Variants in AK9 observed in about 807,000 individuals in gnomAD.
The protein encoded by AK9 is adenylate kinase 9.
AK9 carries 191 observed loss-of-function variants against 239.6 expected under a neutral mutation model. The ratio of observed to expected loss-of-function variants is 0.80; its 90% CI spans 0.71 to 0.90. AK9 has a LOEUF of 0.90. AK9 is among the 40% of genes least tolerant of loss of function. AK9 has a pLI of 0.00. For missense variants in AK9, 1,995 were observed against 2,214.7 expected (o/e 0.90, Z 1.99); for synonymous variants, 689 against 721.0 (o/e 0.96, Z 0.71).
intron 20 of AK9, among the ~76,000 whole-genome samples, chr6:109,576,835 T>TA (rs1295120976): frequency 6.8e-6 from 1 of 146,592 alleles, no homozygotes; most frequent in Non-Finnish European, 1.5e-5. Context: ...ATAGATTTCT[T>TA]TTTTTTTTTT....
intron 3 of AK9, 34 bp downstream of exon 3, chr6:109,674,164 T>C (rs1478444138): frequency 1.3e-6 from 2 of 1,498,998 alleles, no homozygotes; most frequent in Non-Finnish European, 1.8e-6. Context: ...AAAGTTTTCA[T>C]AATAAAATAT....
intron 15 of AK9, among the ~76,000 whole-genome samples, chr6:109,613,769 T>G (rs547325152): frequency 1.3e-5 from 2 of 151,766 alleles, no homozygotes; most frequent in South Asian, 4.1e-4. Context: ...TGCTCTTATG[T>G]TCAAATATGA....
intron 39 of AK9, chr6:109,494,329 A>C (rs1325063936): frequency 4.6e-6 from 2 of 430,816 alleles, no homozygotes; most frequent in Non-Finnish European, 4.2e-6. Context: ...TAAGTGATGG[A>C]TAGGAGTATG....
chr6:109,673,724 A>AT (rs1771274546), intron 3 of AK9, among the ~76,000 whole-genome samples: 1 of 152,156 alleles, frequency 6.6e-6, no homozygotes, highest in Non-Finnish European at 1.5e-5. Flanking sequence ...ACAGTTCTAA[A>AT]TTACGAATAG....
Position 109,564,095 on chromosome 6 carries a change from C to A in AK9, c.2620G>T (p.Val874Phe). ...RTPQELLQKV[V>F]ETMEKPFQYT... ...AAGCCCTTACTTTCCATAGTCTCAA[C>A]TACTTTTTGAAGTAATTCCTGTGGA... The change falls in exon 23 of 41, where the codon GTT (valine) becomes TTT (phenylalanine). Residue 874 changes from valine (V) to phenylalanine (F), a missense_variant. Physicochemically the swap from Val to Phe is conservative, Grantham distance 50. Transcript: ENST00000424296. 6.4e-7 allele frequency: 1 copy of A among 1,550,946 alleles called. No individual in the cohort carries two copies. The highest frequency in any genetic ancestry group is 8.7e-7 in the Non-Finnish European group (1 of 1,146,698).
Position 109,493,227 on chromosome 6 carries a change from A to T in AK9, c.*142T>A. ...TCCTGGCTGGCAGACCTTTGAGTTC[A>T]CCTGAAGTCTGGCAGCCATGGTACC... is the stretch of plus-strand genomic sequence containing the variant. On this transcript the variant is annotated 3_prime_UTR_variant, in exon 41 of 41. Coordinates refer to ENST00000424296, the MANE Select transcript of AK9 (RefSeq NM_001145128.3). The T allele has an allele frequency of 1.3e-6, 1 of 777,368 alleles. No individual in the cohort carries two copies. Among genetic ancestry groups the T allele is most frequent in the East Asian group, 2.5e-5 (1 of 39,746 alleles). The allele number at this position is 777,368 out of a possible 1,614,324, so 48.2% of individuals were successfully genotyped here. A position where few individuals can be genotyped will look rare whatever the true frequency, so the allele number is the denominator to read the frequency against.
chr6:109,633,075 A>T lies in AK9; in HGVS notation c.1102T>A (p.Ser368Thr). The T allele has an allele frequency of 6.4e-7, 1 of 1,553,154 alleles. No individual in the cohort carries two copies. Reference sequence around the variant, plus strand: ...AAAAATGGTTTTAATGCTTCTTCTGATGAAAGACAGTAGATTTTACCTAGA... The same window carrying T: ...AAAAATGGTTTTAATGCTTCTTCTGTTGAAAGACAGTAGATTTTACCTAGA... The part of the protein sequence containing the change: ...SFLGKIYCLS[S>T]EEALKPFLLN... Residue 368 changes from serine to threonine, a missense_variant, in exon 12 of 41, where the codon TCA becomes ACA. Transcript: ENST00000424296.
At chr6:109,564,336 G>C in intron 22 of AK9, 56 bp from the exon 23 acceptor site, 1 of 1,374,888 alleles carries the variant, frequency 7.3e-7, no homozygotes, top group Non-Finnish European at 9.8e-7. Flanking sequence ...CCTATCTTTA[G>C]CCATATTGCC....
At chr6:109,675,247 G>T (rs896139012) in intron 2 of AK9, among the ~76,000 whole-genome samples, 1 of 152,204 alleles carries the variant, frequency 6.6e-6, no homozygotes, top group African/African-American at 2.4e-5. Context: ...CATGTGCAGT[G>T]TTTTGGTAAG....
chr6:109,590,160 A>T (rs890510476), intron 17 of AK9, among the ~76,000 whole-genome samples: 2 of 152,068 alleles, frequency 1.3e-5, no homozygotes, highest in African/African-American at 4.8e-5. Context: ...TTCCTTCAAC[A>T]TTTAGCAGAA....
chr6:109,611,842 G>C (rs1286167711), intron 16 of AK9, among the ~76,000 whole-genome samples, 168 bp downstream of exon 16: 1 of 152,144 alleles, frequency 6.6e-6, no homozygotes, highest in Non-Finnish European at 1.5e-5. Context: ...CAGTGTTCTT[G>C]CATGTCCAAC....
chr6:109,621,840 T>C lies in AK9; in HGVS notation c.1255-2604A>G, dbSNP rs1334096522. ...CGCACCAGCATGGCACATGTATACA[T>C]ATGTAACTAACCTGCACAATGTGCA... On this transcript the variant is annotated intron_variant, in intron 12 of 40. Coordinates refer to ENST00000424296, the MANE Select transcript of AK9 (RefSeq NM_001145128.3). Among the ~76,000 whole-genome samples, 260 of 123,752 alleles carry C rather than the reference T, an allele frequency of 2.1e-3. 2 individuals carry two copies. Among genetic ancestry groups the C allele is most frequent in the African/African-American group, 7.9e-3 (249 of 31,518 alleles). 81.2% of individuals were successfully genotyped at this position (123,752 alleles called of 152,430 possible).
intron 9 of AK9, among the ~76,000 whole-genome samples, chr6:109,643,993 T>C (rs1480822682): frequency 6.6e-6 from 1 of 152,210 alleles, no homozygotes; most frequent in East Asian, 1.9e-4. Flanking sequence ...ATACCATGCA[T>C]GTGTATCCCT....
chr6:109,616,107 T>A (rs1794163661), intron 13 of AK9, among the ~76,000 whole-genome samples: 1 of 151,970 alleles, frequency 6.6e-6, no homozygotes, highest in Non-Finnish European at 1.5e-5. Flanking sequence ...CTATTTGACA[T>A]TAATTGCTTA....
chr6:109,663,625 G>A (rs1447673149), intron 5 of AK9, among the ~76,000 whole-genome samples: 1 of 152,160 alleles, frequency 6.6e-6, no homozygotes, highest in Non-Finnish European at 1.5e-5. Context: ...ATACTGTATA[G>A]TAAAGTGTGT....
At position 109,675,336 on chromosome 6, in the gene AK9, C is replaced by T. The variant is rs528153316; in HGVS notation, c.117+293G>A. On this transcript the variant is annotated intron_variant, in intron 2 of 40. Coordinates refer to ENST00000424296, the MANE Select transcript of AK9 (RefSeq NM_001145128.3). ...AATTATAACATATAACATAGTATTG[C>T]GGTATATATGTACCACATCTTCTTT... 1.2e-3 allele frequency among the ~76,000 whole-genome samples: 183 copies of T among 152,100 alleles called. 1 individual carries two copies. The highest frequency in any genetic ancestry group is 2.5e-3 in the South Asian group (12 of 4,830).
At chr6:109,493,613 T>G (rs753233697) in intron 40 of AK9, 42 bp from the exon 41 acceptor site, 2 of 1,538,578 alleles carry the variant, frequency 1.3e-6, no homozygotes, top group Non-Finnish European at 1.8e-6. Flanking sequence ...TTCTGCTAGT[T>G]AGTGAGTCAT....
At chr6:109,580,305 G>C (rs1260886832) in intron 19 of AK9, among the ~76,000 whole-genome samples, 1 of 152,118 alleles carries the variant, frequency 6.6e-6, no homozygotes, top group African/African-American at 2.4e-5. Context: ...CACCAAACCG[G>C]CCTTAACGAT....
At chr6:109,554,525 CTTTTTT>C (rs3060760) in intron 24 of AK9, among the ~76,000 whole-genome samples, 1 of 77,444 alleles carries the variant, frequency 1.3e-5, no homozygotes, top group Non-Finnish European at 2.5e-5. Context: ...TATTTCTTTT[CTTTTTT>C]TTTTTTTTTT....
Sources: gnomAD v4.1 joint callset for allele counts (sites outside exome capture counted in the v4.1 genomes callset) on GRCh38, gnomAD v4.1.1 for gene constraint, MANE v1.5 for transcripts, NCBI Gene and HGNC (gene_info 2026-07-23, HGNC 2026-07-21) for gene names.